Variants in CSRNP3 observed in about 807,000 individuals in gnomAD.
CSRNP3 encodes cysteine/serine-rich nuclear protein 3.
CSRNP3 carries 12 observed loss-of-function variants against 48.0 expected under a neutral mutation model. The ratio of observed to expected loss-of-function variants is 0.25; its 90% CI spans 0.16 to 0.41. CSRNP3 has a LOEUF of 0.41. CSRNP3 is among the 10% of genes least tolerant of loss of function. The pLI, the probability that CSRNP3 is intolerant of heterozygous loss-of-function variation, is 1.00. For missense variants in CSRNP3, 580 were observed against 724.4 expected (o/e 0.80, Z 2.29); for synonymous variants, 263 against 269.7 (o/e 0.98, Z 0.24).
At chr2:165,573,170 T>C (rs1238214362) in intron 3 of CSRNP3, among the ~76,000 whole-genome samples, 1 of 152,102 alleles carries the variant, frequency 6.6e-6, no homozygotes, top group Non-Finnish European at 1.5e-5. Context: ...TGTTGTGTGC[T>C]TTTAATTTTT....
At chr2:165,547,846 T>A (rs553433428) in intron 3 of CSRNP3, among the ~76,000 whole-genome samples, 1 of 152,190 alleles carries the variant, frequency 6.6e-6, no homozygotes, top group South Asian at 2.1e-4. Flanking sequence ...ATTGAGAAAA[T>A]TCTGAAAACC....
At position 165,685,413 on chromosome 2, in the gene CSRNP3, C is replaced by T. The variant is rs1453097624; in HGVS notation, c.*5660C>T. 1 of 152,026 alleles carries T rather than the reference C, an allele frequency of 6.6e-6. No individual in the cohort carries two copies. Among genetic ancestry groups the T allele is most frequent in the Non-Finnish European group, 1.5e-5 (1 of 67,966 alleles). The allele number at this position is 152,026 out of a possible 1,614,324, so 9.4% of individuals were successfully genotyped here. A position where few individuals can be genotyped will look rare whatever the true frequency, so the allele number is the denominator to read the frequency against. On this transcript the variant is annotated 3_prime_UTR_variant, in exon 7 of 7. Coordinates refer to ENST00000651982, the MANE Select transcript of CSRNP3 (RefSeq NM_001172173.2). Reference sequence around the variant, plus strand: ...CTAGTCTAAGTCTGTGCTGTCTTGGCATGCCTTGGGTTTCCTATCCTGAGA... The same window carrying T: ...CTAGTCTAAGTCTGTGCTGTCTTGGTATGCCTTGGGTTTCCTATCCTGAGA...
At chr2:165,540,698 C>G (rs1429754813) in intron 3 of CSRNP3, among the ~76,000 whole-genome samples, 1 of 151,900 alleles carries the variant, frequency 6.6e-6, no homozygotes, top group Non-Finnish European at 1.5e-5. Context: ...TGGCTTGTCC[C>G]TGTAAGATTC....
chr2:165,606,372 A>G, intron 4 of CSRNP3, among the ~76,000 whole-genome samples: 1 of 150,520 alleles, frequency 6.6e-6, no homozygotes, highest in African/African-American at 2.4e-5. Context: ...GCAGCAAAAA[A>G]AAAAAAAAAA....
chr2:165,564,737 A>T (rs1165214644), intron 3 of CSRNP3, among the ~76,000 whole-genome samples: 1 of 151,960 alleles, frequency 6.6e-6, no homozygotes, highest in Non-Finnish European at 1.5e-5. Context: ...TCGCTATCTG[A>T]TATCCTACTA....
At chr2:165,528,232 G>C (rs966094953) in intron 3 of CSRNP3, among the ~76,000 whole-genome samples, 16 of 152,102 alleles carry the variant, frequency 1.1e-4, no homozygotes, top group Non-Finnish European at 8.8e-5. Flanking sequence ...CTCCCTATCA[G>C]ATGTTTTGAT....
intron 4 of CSRNP3, among the ~76,000 whole-genome samples, chr2:165,636,502 C>G (rs544143192): frequency 1.3e-5 from 2 of 152,198 alleles, no homozygotes; most frequent in Admixed American, 6.5e-5. Flanking sequence ...TTTTTCTGAT[C>G]CATCTCCTCC....
At chr2:165,671,079 A>G (rs1390188640) in intron 5 of CSRNP3, among the ~76,000 whole-genome samples, 1 of 152,162 alleles carries the variant, frequency 6.6e-6, no homozygotes, top group African/African-American at 2.4e-5. Context: ...TACCATAGAA[A>G]ACTCATAATC....
chr2:165,676,653 A>G (rs762477811), intron 6 of CSRNP3, 45 bp downstream of exon 6: 2 of 1,540,720 alleles, frequency 1.3e-6, no homozygotes, highest in South Asian at 1.1e-5. Flanking sequence ...GACATTGTCT[A>G]CCACCCCCTA....
At chr2:165,604,184 A>T (rs1008834184) in intron 4 of CSRNP3, among the ~76,000 whole-genome samples, 6 of 152,218 alleles carry the variant, frequency 3.9e-5, no homozygotes, top group African/African-American at 1.4e-4. Context: ...CTCACGATCT[A>T]ACAGTATTTT....
intron 1 of CSRNP3, among the ~76,000 whole-genome samples, chr2:165,482,569 GA>G (rs909739462): frequency 6.6e-6 from 1 of 152,076 alleles, no homozygotes; most frequent in African/African-American, 2.4e-5. Context: ...CCAGTCAACA[GA>G]TGTGCTTTTG....
chr2:165,576,326 T>C (rs1189966897), intron 3 of CSRNP3, among the ~76,000 whole-genome samples: 1 of 152,014 alleles, frequency 6.6e-6, no homozygotes, highest in East Asian at 1.9e-4. Context: ...CAGTAGCGCC[T>C]GTAGTTTGTG....
intron 1 of CSRNP3, among the ~76,000 whole-genome samples, chr2:165,477,839 T>G (rs1683985557): frequency 6.6e-6 from 1 of 152,034 alleles, no homozygotes; most frequent in Non-Finnish European, 1.5e-5. Context: ...TAGCCAGGCG[T>G]GCTGGTGAGT....
chr2:165,470,965 A>G (rs1480863895), intron 1 of CSRNP3, among the ~76,000 whole-genome samples: 1 of 151,700 alleles, frequency 6.6e-6, no homozygotes, highest in Non-Finnish European at 1.5e-5. Context: ...ATTTTTTGCT[A>G]TTGTTTTTCT....
chr2:165,602,921 G>T (rs1045484911), intron 4 of CSRNP3, among the ~76,000 whole-genome samples: 9 of 151,560 alleles, frequency 5.9e-5, no homozygotes, highest in Admixed American at 5.3e-4. Flanking sequence ...TTTTGAGACA[G>T]AGTCTCGCTG....
chr2:165,573,026 T>C (rs1685396060), intron 3 of CSRNP3, among the ~76,000 whole-genome samples: 1 of 152,096 alleles, frequency 6.6e-6, no homozygotes, highest in Admixed American at 6.6e-5. Flanking sequence ...TGTGTGTTAG[T>C]ATACTGCAAA....
chr2:165,630,951 G>A lies in CSRNP3; in HGVS notation c.149-26810G>A, dbSNP rs1245849310. The stretch of plus-strand genomic sequence containing the variant: ...CCAGGGAGGCTAATTATTTGTTAAC[G>A]TTTCTTATTAGGGCCAAGGTTTCTA... On this transcript the variant is annotated intron_variant, in intron 4 of 6. Transcript: ENST00000651982. 4.6e-5 allele frequency among the ~76,000 whole-genome samples: 7 copies of A among 152,156 alleles called. No individual in the cohort carries two copies. In the South Asian group the frequency reaches 8.3e-4, roughly 18 times the overall value.
At chr2:165,495,924 G>A (rs1471310237) in intron 2 of CSRNP3, among the ~76,000 whole-genome samples, 2 of 151,820 alleles carry the variant, frequency 1.3e-5, no homozygotes, top group Non-Finnish European at 2.9e-5. Context: ...GTAGCAAGCC[G>A]ATATGGCACA....
intron 4 of CSRNP3, among the ~76,000 whole-genome samples, chr2:165,626,991 C>T (rs1400379480): frequency 1.3e-5 from 2 of 152,134 alleles, no homozygotes; most frequent in Non-Finnish European, 2.9e-5. Context: ...TTGCTTATTC[C>T]AGCTTTGTGC....
Sources: gnomAD v4.1 joint callset for allele counts (sites outside exome capture counted in the v4.1 genomes callset) on GRCh38, gnomAD v4.1.1 for gene constraint, MANE v1.5 for transcripts, NCBI Gene and HGNC (gene_info 2026-07-23, HGNC 2026-07-21) for gene names.